Variants in CAPN6 observed in about 807,000 individuals in gnomAD.
CAPN6 encodes the protein calpain-6.
A neutral mutation model predicts 46.0 loss-of-function variants in CAPN6; 16 were observed. The observed-to-expected ratio is 0.35, with a 90% confidence interval of 0.24 to 0.53. CAPN6 has a LOEUF of 0.53. Ranked by LOEUF, CAPN6 falls within the 20% of genes least tolerant of loss-of-function variation. The pLI is 0.94. For missense variants in CAPN6, 461 were observed against 498.0 expected (o/e 0.93, Z 0.71); for synonymous variants, 206 against 172.8 (o/e 1.19, Z -1.51).
intron 10 of CAPN6, 91 bp downstream of exon 10, chrX:111,248,478 G>T: frequency 1.6e-6 from 1 of 630,224 alleles, no homozygotes; most frequent in South Asian, 2.4e-5. Context: ...TTGTCCCATT[G>T]AATGTCTGAA....
At chrX:111,253,895 T>C (rs2094981698) in intron 3 of CAPN6, among the ~76,000 whole-genome samples, 1 of 112,085 alleles carries the variant, frequency 8.9e-6, no homozygotes, top group African/African-American at 3.2e-5. Context: ...TTTTTTGTTA[T>C]TAATATGTAT....
intron 2 of CAPN6, among the ~76,000 whole-genome samples, chrX:111,255,443 C>T (rs2094982985): frequency 8.9e-6 from 1 of 112,403 alleles, no homozygotes; most frequent in Non-Finnish European, 1.9e-5. Flanking sequence ...CTCAGAGTAT[C>T]AGCATTTGAA....
rs3752339 is a variant in CAPN6, at chrX:111,252,610, C to G, written c.507-111G>C. The G allele has an allele frequency of 6.6e-3, 3,703 of 563,105 alleles. 72 individuals carry two copies. The highest frequency in any genetic ancestry group is 0.059 in the Admixed American group (1,416 of 23,808). The allele number at this position is 563,105 out of a possible 1,213,427, so 46.4% of individuals were successfully genotyped here. A position where few individuals can be genotyped will look rare whatever the true frequency, so the allele number is the denominator to read the frequency against. ...GCCTAGACTTTACCAGATGGCTTTTCTCTAGGTATGAAATGAGAGATGTTT... is the reference window on the plus strand; with the variant it reads ...GCCTAGACTTTACCAGATGGCTTTTGTCTAGGTATGAAATGAGAGATGTTT... On this transcript the variant is annotated intron_variant, in intron 4 of 12. Transcript: ENST00000324068.
intron 6 of CAPN6, 99 bp downstream of exon 6, chrX:111,251,450 G>A (rs1334763491): frequency 5.5e-5 from 50 of 902,501 alleles, no homozygotes; most frequent in Middle Eastern, 4.1e-4. Context: ...GCCCACAGAT[G>A]TCACTGAGCA....
chrX:111,248,023 A>C (rs1286533374), intron 10 of CAPN6, 31 bp from the exon 11 acceptor site: 1 of 1,176,834 alleles, frequency 8.5e-7, no homozygotes, highest in Admixed American at 2.2e-5. Context: ...TATTGTCATC[A>C]TATGATAAAT....
chrX:111,257,126 C>T (rs185205342), intron 2 of CAPN6, among the ~76,000 whole-genome samples: 1 of 111,532 alleles, frequency 9.0e-6, no homozygotes, highest in Non-Finnish European at 1.9e-5. Context: ...TTCAGAACCA[C>T]ATATGGCTAG....
At chrX:111,254,456 T>C in intron 2 of CAPN6, 53 bp from the exon 3 acceptor site, 1 of 1,005,996 alleles carries the variant, frequency 9.9e-7, no homozygotes, top group African/African-American at 1.9e-5. Context: ...TTCTCAAGAG[T>C]CACTGTGAGC....
rs1461005029 is a variant in CAPN6, at chrX:111,247,963, G to A, written c.1514C>T (p.Ser505Phe). The A allele has an allele frequency of 8.3e-7, 1 of 1,209,943 alleles. No homozygotes were observed. The highest frequency in any genetic ancestry group is 1.1e-6 in the Non-Finnish European group (1 of 894,091). ...GTAGCCACGAGCCAGGTTCCAGCAGGACATTTTGGGCATGTCCAGAGTCAG... is the reference window on the plus strand; with the variant it reads ...GTAGCCACGAGCCAGGTTCCAGCAGAACATTTTGGGCATGTCCAGAGTCAG... Reference protein sequence around the residue: ...RELTLDMPKMSCWNLARGYPK... With the variant: ...RELTLDMPKMFCWNLARGYPK... The change falls in exon 11 of 13, where the codon TCC becomes TTC. Residue 505 changes from serine (S) to phenylalanine (F), a missense_variant. Physicochemically the swap from Ser to Phe is radical, Grantham distance 155 (BLOSUM62 -2). Transcript: ENST00000324068.
chrX:111,267,480 A>G (rs779379744), intron 1 of CAPN6, among the ~76,000 whole-genome samples: 2 of 112,139 alleles, frequency 1.8e-5, no homozygotes, highest in Admixed American at 1.9e-4. Flanking sequence ...ACTGCCACGT[A>G]GAATACAAGG....
chrX:111,249,834 G>A (rs1250614449), intron 8 of CAPN6, among the ~76,000 whole-genome samples: 2 of 74,281 alleles, frequency 2.7e-5, no homozygotes, highest in Non-Finnish European at 2.2e-5. Flanking sequence ...AAGGAAAGAA[G>A]GAAGGAAGGA....
At chrX:111,263,684 A>C in intron 2 of CAPN6, 88 bp downstream of exon 2, 2 of 821,825 alleles carry the variant, frequency 2.4e-6, no homozygotes, top group Admixed American at 2.9e-5. Flanking sequence ...ATTGGTCTAC[A>C]CAGTAGGCTT....
chrX:111,253,363 A>C, intron 3 of CAPN6, 147 bp from the exon 4 acceptor site: 2 of 488,406 alleles, frequency 4.1e-6, no homozygotes, highest in South Asian at 6.4e-5. Context: ...ATTCCTAGAT[A>C]TGGCATTTTG....
Position 111,246,481 on chromosome X carries a change from A to T in CAPN6, c.*96T>A, listed in dbSNP as rs1322502036. On this transcript the variant is annotated 3_prime_UTR_variant, in exon 13 of 13. Transcript: ENST00000324068. ...GGAAGAGTTAATTATTGTGAATCTCATTCTTTCTAAAGATTGTGAATCTTA... is the reference window on the plus strand; with the variant it reads ...GGAAGAGTTAATTATTGTGAATCTCTTTCTTTCTAAAGATTGTGAATCTTA... 1 of 734,542 alleles carries T rather than the reference A, an allele frequency of 1.4e-6. No homozygotes were observed. The highest frequency in any genetic ancestry group is 2.1e-5 in the African/African-American group (1 of 46,746). 60.5% of individuals were successfully genotyped at this position (734,542 alleles called of 1,213,427 possible).
chrX:111,254,207 T>C (rs1040003018), intron 3 of CAPN6, 65 bp downstream of exon 3: 19 of 1,100,125 alleles, frequency 1.7e-5, no homozygotes, highest in African/African-American at 5.5e-5. Flanking sequence ...CTGATTTTTT[T>C]CCTAAAGTTA....
chrX:111,259,391 A>G (rs942954892), intron 2 of CAPN6, among the ~76,000 whole-genome samples: 11 of 112,336 alleles, frequency 9.8e-5, no homozygotes, highest in African/African-American at 9.7e-5. Flanking sequence ...CAAAACTACT[A>G]TACCTAGGTG....
At position 111,251,653 on chromosome X, in the gene CAPN6, A is replaced by G. The variant is rs1265014213; in HGVS notation, c.789T>C (p.Arg263=). The part of the protein sequence containing the change: ...TYTMTDIRKI[R]LGERLVEVFS... ...AGACTTCCACAAGTCTCTCTCCAAG[A>G]CGAATTTTGCGAATATCAGTCATGG... The change falls in exon 6 of 13, where the codon CGT becomes CGC. Residue 263 remains arginine (R), a synonymous_variant. Transcript: ENST00000324068. 3 of 1,210,297 alleles carry G rather than the reference A, an allele frequency of 2.5e-6. No homozygotes were observed. In the South Asian group the frequency reaches 5.3e-5, roughly 21 times the overall value.
At chrX:111,250,724 C>T (rs1014165417) in intron 8 of CAPN6, among the ~76,000 whole-genome samples, 193 bp downstream of exon 8, 4 of 111,557 alleles carry the variant, frequency 3.6e-5, no homozygotes, top group African/African-American at 1.3e-4. Flanking sequence ...AAGTCTGTCT[C>T]TGCAAAAAGA....
At position 111,263,812 on chromosome X, in the gene CAPN6, T is replaced by A. The variant is rs775925157; in HGVS notation, c.125A>T (p.Asn42Ile). 10 of 1,209,744 alleles carry A rather than the reference T, an allele frequency of 8.3e-6. No homozygotes were observed. In the East Asian group the frequency reaches 2.7e-4, roughly 32 times the overall value. ...CACCACCTTTCCAGGAAGCAGTCGG[T>A]TGTAGAAAAGAGAATCATTCTCAGG... ...FLPENDSLFY[N>I]RLLPGKVVWK... The change falls in exon 2 of 13, where the codon AAC becomes ATC. Residue 42 changes from asparagine to isoleucine, a missense_variant. Transcript: ENST00000324068.
In CAPN6 at chrX:111,268,712, A is replaced by G. The variant is rs779494593; in HGVS notation, c.-16+1659T>C. 8.0e-5 allele frequency among the ~76,000 whole-genome samples: 9 copies of G among 112,492 alleles called. No homozygotes were observed. The East Asian group carries it at 1.1e-3, about 14-fold the overall frequency. ...CCTTTTGGCCGAATAAGCCCATCCT[A>G]TATGTCTACTTTTCCAGCCTTTCAA... On this transcript the variant is annotated intron_variant, in intron 1 of 12. Coordinates refer to ENST00000324068, the MANE Select transcript of CAPN6 (RefSeq NM_014289.4).
Sources: allele counts gnomAD v4.1 joint callset (sites outside exome capture counted in the v4.1 genomes callset), GRCh38; gene constraint gnomAD v4.1.1; transcripts MANE v1.5; gene names NCBI Gene and HGNC (gene_info 2026-07-23, HGNC 2026-07-21).